MCF2L: variants seen among roughly 807,000 people sequenced by gnomAD.
MCF2L encodes guanine nucleotide exchange factor DBS.
Under a neutral mutation model 153.4 loss-of-function variants are expected in MCF2L, and 97 were observed. That is an observed-to-expected ratio of 0.63 (90% CI 0.54 to 0.75). MCF2L has a LOEUF of 0.75. Among genes scored for constraint, MCF2L ranks in the 30% least tolerant of loss-of-function variants. The pLI, the probability that MCF2L is intolerant of heterozygous loss-of-function variation, is 0.00. For synonymous variants in MCF2L, 659 were observed against 632.2 expected (o/e 1.04, Z -0.64); for missense variants, 1,347 against 1,495.2 (o/e 0.90, Z 1.64).
Position 112,960,141 on chromosome 13 carries a change from G to A in MCF2L, c.170-54622G>A, listed in dbSNP as rs940373881. Among the ~76,000 whole-genome samples, 73 of 152,234 alleles carry A rather than the reference G, an allele frequency of 4.8e-4. No homozygotes were observed. Among genetic ancestry groups the A allele is most frequent in the African/African-American group, 1.7e-3 (70 of 41,460 alleles). ...GCTATAACAGAGTATCACAGATTGG[G>A]TAATTTACACACAATGGAAGTTTAG... On this transcript the variant is annotated intron_variant, in intron 2 of 29. Transcript: ENST00000375608. The surrounding 1 kb of genome is among the most constrained non-coding windows in gnomAD (Gnocchi z 4.2).
At chr13:112,900,293 AC>A (rs2081107495) in intron 1 of MCF2L, among the ~76,000 whole-genome samples, 1 of 152,146 alleles carries the variant, frequency 6.6e-6, no homozygotes, top group East Asian at 1.9e-4. Flanking sequence ...CCCCTCCCGG[AC>A]CTTTCTGCAG....
chr13:112,969,490 T>C lies in MCF2L; in HGVS notation c.79+32T>C. On this transcript the variant is annotated intron_variant, in intron 1 of 29. Coordinates refer to ENST00000535094, the MANE Select transcript of MCF2L (RefSeq NM_001112732.3). The surrounding 1 kb of genome is among the most constrained non-coding windows in gnomAD (Gnocchi z 4.8). ...GGAGCTGCTGGCCGTCAGTGATCTGTGCTTAAGCTTGACATCATGGGCTGA... is the reference window on the plus strand; with the variant it reads ...GGAGCTGCTGGCCGTCAGTGATCTGCGCTTAAGCTTGACATCATGGGCTGA... 6.5e-7 allele frequency: 1 copy of C among 1,549,866 alleles called. No homozygotes were observed. Among genetic ancestry groups the C allele is most frequent in the Non-Finnish European group, 8.7e-7 (1 of 1,146,504 alleles).
At chr13:113,081,309 C>A in intron 16 of MCF2L, 30 bp downstream of exon 16, 2 of 1,557,858 alleles carry the variant, frequency 1.3e-6, no homozygotes, top group South Asian at 1.2e-5. Context: ...GGGCCGACTG[C>A]CACGGGGACT....
In MCF2L at chr13:113,045,150, A is replaced by T; in HGVS notation, c.279-121A>T. On this transcript the variant is annotated intron_variant, in intron 3 of 29. Transcript: ENST00000535094. This position sits in a 1 kb window ranked among gnomAD's most constrained non-coding sequence, Gnocchi z 4.2. ...CCGTGTGCCATGCCTCTCACCTGGT[A>T]TTGCAGAAATGGCATCATGAATATG... 1 of 965,662 alleles carries T rather than the reference A, an allele frequency of 1.0e-6. No individual in the cohort carries two copies. The highest frequency in any genetic ancestry group is 1.7e-6 in the Non-Finnish European group (1 of 603,554). The allele number at this position is 965,662 out of a possible 1,614,324, so 59.8% of individuals were successfully genotyped here.
intron 4 of MCF2L, among the ~76,000 whole-genome samples, chr13:113,058,615 G>T (rs1043653663): frequency 6.7e-6 from 1 of 149,872 alleles, no homozygotes; most frequent in Admixed American, 6.6e-5. Flanking sequence ...GTGTTTAGTT[G>T]CTGTGTGTTT....
Position 112,906,736 on chromosome 13 carries a change from AG to A in MCF2L, c.169+4368del, listed in dbSNP as rs111661978. On this transcript the variant is annotated intron_variant, in intron 2 of 29. Transcript: ENST00000375608. ...TTAGAATTGAGCGTGAGAGAGCAAG[AG>A]GGTTCGCCCACAACTTCCTTGCGCA... Among the ~76,000 whole-genome samples the A allele has an allele frequency of 2.1e-3, 320 of 152,348 alleles. 1 individual carries two copies. Among genetic ancestry groups the A allele is most frequent in the African/African-American group, 7.0e-3 (293 of 41,584 alleles).
In MCF2L at chr13:113,046,904, A is replaced by G. The variant is rs904649296; in HGVS notation, c.369+1543A>G. ...TGCGTTCGTTTGCTTTTGCGTCACT[A>G]TAAAGACGTACTTGAGCTGGGTAAT... On this transcript the variant is annotated intron_variant, in intron 4 of 29. Coordinates refer to ENST00000535094, the MANE Select transcript of MCF2L (RefSeq NM_001112732.3). The surrounding 1 kb of genome is among the most constrained non-coding windows in gnomAD (Gnocchi z 4.4). The G allele has an allele frequency of 2.3e-5, 6 of 263,842 alleles. No individual in the cohort carries two copies. The highest frequency in any genetic ancestry group is 3.7e-5 in the Non-Finnish European group (5 of 135,020). The allele number at this position is 263,842 out of a possible 1,614,324, so 16.3% of individuals were successfully genotyped here.
At chr13:112,963,653 T>C (rs567806350) in intron 2 of MCF2L, among the ~76,000 whole-genome samples, 1 of 152,184 alleles carries the variant, frequency 6.6e-6, no homozygotes, top group Non-Finnish European at 1.5e-5. Flanking sequence ...TGTGTTGAGT[T>C]CTAACCCCCA....
Position 113,086,250 on chromosome 13 carries a change from G to A in MCF2L, c.2373+1G>A, listed in dbSNP as rs1275327275. 6 of 1,608,300 alleles carry A rather than the reference G, an allele frequency of 3.7e-6. No individual in the cohort carries two copies. Among genetic ancestry groups the A allele is most frequent in the South Asian group, 1.1e-5 (1 of 90,426 alleles). On this transcript the variant is annotated splice_donor_variant, in intron 21 of 29. Coordinates refer to ENST00000535094, the MANE Select transcript of MCF2L (RefSeq NM_001112732.3). LOFTEE classifies it high-confidence loss of function. ...CCTCATCGCTATCACCGGCTATGAC[G>A]TAAGGCGCCCAGATGCCCGGTCTTC...
Position 113,077,171 on chromosome 13 carries a change from C to T in MCF2L, c.1620C>T (p.Pro540=). The change falls in exon 13 of 30, where the codon CCC becomes CCT. Residue 540 remains proline, a synonymous_variant. Coordinates refer to ENST00000535094, the MANE Select transcript of MCF2L (RefSeq NM_001112732.3). ...RQTRPVQPVA[P]RPEALAKSPC... ...CGCGGCCCGTGCAGCCGGTGGCCCC[C>T]AGACCCGAGGCACTGGCAAAGTCGC... 6.2e-7 allele frequency: 1 copy of T among 1,608,084 alleles called. No homozygotes were observed. Among genetic ancestry groups the T allele is most frequent in the Non-Finnish European group, 8.5e-7 (1 of 1,177,508 alleles).
chr13:113,012,793 A>G (rs2084249900), intron 1 of MCF2L, among the ~76,000 whole-genome samples: 3 of 95,382 alleles, frequency 3.1e-5, no homozygotes, highest in African/African-American at 8.3e-5. Context: ...GGACACTGTG[A>G]TGCGGACGGT....
At chr13:113,022,751 CA>C (rs1470200930) in intron 2 of MCF2L, among the ~76,000 whole-genome samples, 1 of 152,238 alleles carries the variant, frequency 6.6e-6, no homozygotes, top group Non-Finnish European at 1.5e-5. Flanking sequence ...AGCCACATCC[CA>C]GGGGGCTTTG....
chr13:113,045,687 C>A lies in MCF2L; in HGVS notation c.369+326C>A. 2.8e-6 allele frequency: 1 copy of A among 360,748 alleles called. No individual in the cohort carries two copies. 22.3% of individuals were successfully genotyped at this position (360,748 alleles called of 1,614,324 possible). ...TGAATATGCCTCTTACATATTTATA[C>A]ATTAGTGATTTTCTCCTTTCCAAAT... On this transcript the variant is annotated intron_variant, in intron 4 of 29. Transcript: ENST00000535094. The surrounding 1 kb of genome is among the most constrained non-coding windows in gnomAD (Gnocchi z 4.2).
chr13:113,033,160 G>A (rs2085850882), intron 3 of MCF2L, among the ~76,000 whole-genome samples: 1 of 146,074 alleles, frequency 6.8e-6, no homozygotes, highest in Non-Finnish European at 1.5e-5. Context: ...TGGACCCCGT[G>A]GCGTGAGTGG....
intron 1 of MCF2L, among the ~76,000 whole-genome samples, chr13:112,970,497 G>T (rs545144823): frequency 2.0e-5 from 3 of 152,140 alleles, no homozygotes; most frequent in African/African-American, 7.2e-5. Flanking sequence ...CATGCCGTCT[G>T]CTCCCTGATT....
chr13:112,987,756 G>A (rs1372053721), intron 1 of MCF2L, among the ~76,000 whole-genome samples: 4 of 152,250 alleles, frequency 2.6e-5, no homozygotes, highest in African/African-American at 9.6e-5. Context: ...GGGCCAGTGT[G>A]TGTCTGGAAA....
At position 113,087,277 on chromosome 13, in the gene MCF2L, T is replaced by C. The variant is rs1275905258; in HGVS notation, c.2416T>C (p.Phe806Leu). Residue 806 changes from phenylalanine to leucine, a missense_variant, in exon 22 of 30, where the codon TTC (phenylalanine) becomes CTC (leucine). By Grantham distance (22) the Phe-to-Leu change is conservative. This residue lies in a region of MCF2L where 144 missense variants were observed against 238.7 expected (regional missense o/e 0.60). Coordinates refer to ENST00000535094, the MANE Select transcript of MCF2L (RefSeq NM_001112732.3). ...DLGKLLMQGSFSVWTDHKRGH... is the reference protein window; with the variant it reads ...DLGKLLMQGSLSVWTDHKRGH... The stretch of plus-strand genomic sequence containing the variant: ...GGGCAAGCTGCTGATGCAGGGCTCG[T>C]TCAGCGTCTGGACCGACCACAAGAG... 1 of 1,612,746 alleles carries C rather than the reference T, an allele frequency of 6.2e-7. No individual in the cohort carries two copies. Among genetic ancestry groups the C allele is most frequent in the Non-Finnish European group, 8.5e-7 (1 of 1,179,996 alleles).
At chr13:112,966,547 G>A (rs1032296405), upstream of MCF2L, among the ~76,000 whole-genome samples, 6 of 152,222 alleles carry the variant, frequency 3.9e-5, no homozygotes, top group Non-Finnish European at 7.3e-5. This position sits in a 1 kb window ranked among gnomAD's most constrained non-coding sequence, Gnocchi z 4.1. Flanking sequence ...CAATATCTGG[G>A]CACGGTGGCC....
intron 4 of MCF2L, among the ~76,000 whole-genome samples, chr13:113,055,433 C>T (rs2087692891): frequency 7.8e-6 from 1 of 128,772 alleles, no homozygotes; most frequent in East Asian, 2.6e-4. Flanking sequence ...CACACACACA[C>T]ACACACACAC....
Sources: allele counts gnomAD v4.1 joint callset (sites outside exome capture counted in the v4.1 genomes callset), GRCh38; gene constraint gnomAD v4.1.1; regional missense constraint gnomAD v4.1.1; non-coding constraint Gnocchi (gnomAD v3.1); transcripts MANE v1.5; gene names NCBI Gene and HGNC (gene_info 2026-07-23, HGNC 2026-07-21).